The following WFDC8 variants were observed in gnomAD, a reference collection of about 807,000 sequenced individuals.
WFDC8 encodes the protein WAP four-disulfide core domain 8.
WFDC8 carries 24 observed loss-of-function variants against 27.0 expected under a neutral mutation model. That is an observed-to-expected ratio of 0.89 (90% CI 0.64 to 1.25). The LOEUF is 1.25. WFDC8 is among the 50% of genes most tolerant of loss of function. WFDC8 has a pLI of 0.00. For missense variants in WFDC8, 287 were observed against 295.9 expected, an observed-to-expected ratio of 0.97 and a Z score of 0.22; for synonymous variants, 106 against 99.7, an observed-to-expected ratio of 1.06 and a Z score of -0.38.
At chr20:45,574,229 C>A (rs951961309) in intron 1 of WFDC8, among the ~76,000 whole-genome samples, 3 of 152,046 alleles carry the variant, frequency 2.0e-5, no homozygotes, top group African/African-American at 7.2e-5. Context: ...AGTCTCTTAT[C>A]GAAGAAAAAT....
chr20:45,559,374 T>C (rs553802224), intron 2 of WFDC8, among the ~76,000 whole-genome samples: 1 of 152,304 alleles, frequency 6.6e-6, no homozygotes, highest in East Asian at 1.9e-4. Context: ...ATCATGGAAG[T>C]AGAGGTCAGG....
intron 1 of WFDC8, among the ~76,000 whole-genome samples, chr20:45,575,582 A>C (rs1981015586): frequency 2.0e-5 from 3 of 151,392 alleles, no homozygotes; most frequent in Admixed American, 2.0e-4. Context: ...ATATTGTTAA[A>C]ATGCCCATAC....
At chr20:45,570,127 AC>A (rs1270492901) in intron 1 of WFDC8, among the ~76,000 whole-genome samples, 24 of 152,066 alleles carry the variant, frequency 1.6e-4, no homozygotes, top group African/African-American at 5.5e-4. Context: ...TGTACAACAA[AC>A]CCCCATGGCA....
In WFDC8 at chr20:45,552,139, G is replaced by A; in HGVS notation, c.613C>T (p.Pro205Ser). 1.9e-6 allele frequency: 3 copies of A among 1,614,042 alleles called. No homozygotes were observed. Among genetic ancestry groups the A allele is most frequent in the Admixed American group, 3.3e-5 (2 of 60,016 alleles). ...TTATCAATCTTGGTACATAGCAAGG[G>A]CTTGCGTGGGCAGAAACCTTTTTTG... ...TVKKGFCPRK[P>S]LLCTKIDKPK... is the part of the protein sequence containing the mutation. Residue 205 changes from proline (P) to serine (S), a missense_variant, in exon 6 of 6, where the codon CCC becomes TCC. Coordinates refer to ENST00000289953, the MANE Select transcript of WFDC8 (RefSeq NM_130896.3).
At chr20:45,567,282 G>A (rs535314749) in intron 1 of WFDC8, among the ~76,000 whole-genome samples, 1 of 151,848 alleles carries the variant, frequency 6.6e-6, no homozygotes, top group Admixed American at 6.6e-5. Context: ...TTACTATGAG[G>A]GTAAATACAT....
chr20:45,560,135 G>C (rs1980415361), intron 2 of WFDC8, among the ~76,000 whole-genome samples: 2 of 152,194 alleles, frequency 1.3e-5, no homozygotes, highest in South Asian at 4.2e-4. Flanking sequence ...TTTTCTTCTG[G>C]TTGGTAGAGA....
chr20:45,570,506 A>G (rs970039488), intron 1 of WFDC8, among the ~76,000 whole-genome samples: 1 of 152,060 alleles, frequency 6.6e-6, no homozygotes, highest in African/African-American at 2.4e-5. Context: ...GTTCTTTTTT[A>G]TTGCTGAATT....
At chr20:45,567,962 A>G in intron 1 of WFDC8, 1 of 224,012 alleles carries the variant, frequency 4.5e-6, no homozygotes, top group Non-Finnish European at 9.5e-6. Flanking sequence ...AGTAGCTGGG[A>G]TTACAGGCAT....
intron 1 of WFDC8, among the ~76,000 whole-genome samples, chr20:45,567,478 T>C (rs1011195609): frequency 8.5e-5 from 13 of 152,226 alleles, no homozygotes; most frequent in African/African-American, 2.9e-4. Flanking sequence ...GTAACACAGG[T>C]GTTTATGCAT....
intron 2 of WFDC8, among the ~76,000 whole-genome samples, chr20:45,560,859 G>A (rs1980441118): frequency 6.6e-6 from 1 of 152,148 alleles, no homozygotes; most frequent in South Asian, 2.1e-4. Flanking sequence ...AATCATCTAT[G>A]CATCTTTCAG....
At chr20:45,552,298 A>G in intron 5 of WFDC8, 133 bp from the exon 6 acceptor site, 1 of 1,066,176 alleles carries the variant, frequency 9.4e-7, no homozygotes, top group South Asian at 1.6e-5. Context: ...TACAGTAACA[A>G]TAGACTGGAG....
intron 4 of WFDC8, among the ~76,000 whole-genome samples, chr20:45,555,422 C>T (rs1304035325): frequency 2.0e-5 from 3 of 152,154 alleles, no homozygotes; most frequent in South Asian, 2.1e-4. Flanking sequence ...ACCTGGCTTT[C>T]GGGTCACATT....
chr20:45,555,436 C>G (rs537129620), intron 4 of WFDC8, among the ~76,000 whole-genome samples: 9 of 152,282 alleles, frequency 5.9e-5, no homozygotes, highest in African/African-American at 2.2e-4. Context: ...TCACATTGGC[C>G]AAGATCTATT....
At position 45,553,299 on chromosome 20, in the gene WFDC8, C is replaced by T. The variant is rs1421161226; in HGVS notation, c.446-23G>A. 4 of 1,603,518 alleles carry T rather than the reference C, an allele frequency of 2.5e-6. No individual in the cohort carries two copies. The South Asian group carries it at 3.4e-5, about 13-fold the overall frequency. On this transcript the variant is annotated intron_variant, in intron 4 of 5. Coordinates refer to ENST00000289953, the MANE Select transcript of WFDC8 (RefSeq NM_130896.3). ...TAACTAAAATAAGAGCAGATGTGAG[C>T]TTCTTAAAACCCCACCCCCATCCCA...
At chr20:45,559,764 C>T (rs1171538880) in intron 2 of WFDC8, 1 of 152,138 alleles carries the variant, frequency 6.6e-6, no homozygotes, top group African/African-American at 2.4e-5. Flanking sequence ...AAAAAAACTA[C>T]AGCACCCAGT....
At chr20:45,563,745 G>A (rs1295042643) in intron 1 of WFDC8, among the ~76,000 whole-genome samples, 1 of 152,166 alleles carries the variant, frequency 6.6e-6, no homozygotes, top group Non-Finnish European at 1.5e-5. Flanking sequence ...GCCCTCTGGT[G>A]CTTTAAATTT....
chr20:45,568,074 GT>G, intron 1 of WFDC8: 1 of 333,758 alleles, frequency 3.0e-6, no homozygotes, highest in South Asian at 3.7e-5. Flanking sequence ...TAAAAAAGCT[GT>G]TGCTGTGCGC....
At position 45,553,338 on chromosome 20, in the gene WFDC8, A is replaced by G. The variant is rs1249808607; in HGVS notation, c.446-62T>C. ...ACCCCCATCCCACCACCCTTCAAAG[A>G]GCCTTTCCTTCTCTTCAAAGCTAGT... is the stretch of plus-strand genomic sequence containing the variant. On this transcript the variant is annotated intron_variant, in intron 4 of 5. Transcript: ENST00000289953. The G allele has an allele frequency of 2.6e-6, 4 of 1,559,850 alleles. No homozygotes were observed. The African/African-American group carries it at 5.4e-5, about 21-fold the overall frequency.
intron 1 of WFDC8, among the ~76,000 whole-genome samples, chr20:45,567,153 A>G (rs1980707751): frequency 6.6e-6 from 1 of 152,250 alleles, no homozygotes; most frequent in African/African-American, 2.4e-5. Context: ...AAAAAAATCA[A>G]CTTTACAAAA....
Sources: allele counts gnomAD v4.1 joint callset (sites outside exome capture counted in the v4.1 genomes callset), GRCh38; gene constraint gnomAD v4.1.1; transcripts MANE v1.5; gene names NCBI Gene and HGNC (gene_info 2026-07-23, HGNC 2026-07-21).